Variants in CADM2 observed in about 807,000 individuals in gnomAD.
CADM2 encodes the protein cell adhesion molecule 2.
CADM2 carries 12 observed loss-of-function variants against 49.8 expected under a neutral mutation model. That is an observed-to-expected ratio of 0.24 (90% CI 0.15 to 0.39). The LOEUF is 0.39. CADM2 is among the 10% of genes least tolerant of loss of function. The pLI is 1.00. For missense variants in CADM2, 378 were observed against 492.3 expected (o/e 0.77, Z 2.20); for synonymous variants, 214 against 175.4 (o/e 1.22, Z -1.74).
intron 5 of CADM2, among the ~76,000 whole-genome samples, chr3:85,908,894 T>C (rs2108471026): frequency 6.6e-6 from 1 of 152,086 alleles, no homozygotes; most frequent in Admixed American, 6.6e-5. Context: ...CCAGCTAATT[T>C]TTTGTATTTT....
chr3:85,856,345 G>A (rs1199799172), intron 3 of CADM2, among the ~76,000 whole-genome samples: 1 of 152,146 alleles, frequency 6.6e-6, no homozygotes, highest in Non-Finnish European at 1.5e-5. Flanking sequence ...AAGGAAAATA[G>A]CACATATTTT....
intron 1 of CADM2, among the ~76,000 whole-genome samples, chr3:85,470,418 T>C (rs996701893): frequency 6.6e-6 from 1 of 152,066 alleles, no homozygotes; most frequent in Admixed American, 6.6e-5. Context: ...TAGTAGATCT[T>C]TGTGTTTTAG....
chr3:85,784,160 A>G (rs1010206340), intron 2 of CADM2, among the ~76,000 whole-genome samples: 1 of 152,228 alleles, frequency 6.6e-6, no homozygotes, highest in African/African-American at 2.4e-5. Flanking sequence ...CCCAATAACC[A>G]GAACACTTGG....
intron 1 of CADM2, among the ~76,000 whole-genome samples, chr3:85,339,917 C>T (rs1390486460): frequency 6.6e-6 from 1 of 151,184 alleles, no homozygotes; most frequent in African/African-American, 2.4e-5. Flanking sequence ...TATTTTAAAT[C>T]ATTTTAATAT....
intron 8 of CADM2, among the ~76,000 whole-genome samples, chr3:86,025,053 T>TTTTTTTG (rs1733715606): frequency 6.6e-6 from 1 of 151,024 alleles, no homozygotes. Context: ...TAGTTGTTTT[T>TTTTTTTG]TTTTGTTTTG....
At chr3:86,056,822 C>A (rs895795794) in intron 8 of CADM2, among the ~76,000 whole-genome samples, 2 of 152,096 alleles carry the variant, frequency 1.3e-5, no homozygotes, top group African/African-American at 4.8e-5. Context: ...AACTTATGTA[C>A]TCTTACAGAT....
intron 8 of CADM2, chr3:85,992,355 T>C (rs1437110846): frequency 6.6e-6 from 1 of 152,148 alleles, no homozygotes; most frequent in Non-Finnish European, 1.5e-5. Context: ...TTAATGACCT[T>C]CCTCTGAATA....
intron 8 of CADM2, among the ~76,000 whole-genome samples, chr3:85,991,881 G>A (rs2108705938): frequency 6.6e-6 from 1 of 151,896 alleles, no homozygotes; most frequent in East Asian, 1.9e-4. Flanking sequence ...TTGATATATT[G>A]ACCTATGAAG....
At chr3:85,538,548 A>G (rs948117976) in intron 1 of CADM2, among the ~76,000 whole-genome samples, 1 of 152,130 alleles carries the variant, frequency 6.6e-6, no homozygotes, top group African/African-American at 2.4e-5. Context: ...AAAAATGTAT[A>G]TATTACTGAG....
chr3:85,027,416 T>C (rs1272301138), intron 1 of CADM2, among the ~76,000 whole-genome samples: 1 of 151,980 alleles, frequency 6.6e-6, no homozygotes, highest in Non-Finnish European at 1.5e-5. Flanking sequence ...CAGCCTATTA[T>C]CTCTTTTTAA....
At chr3:85,645,346 A>T (rs2064851985) in intron 1 of CADM2, among the ~76,000 whole-genome samples, 2 of 152,166 alleles carry the variant, frequency 1.3e-5, no homozygotes, top group Admixed American at 1.3e-4. Context: ...TATTTTAAAT[A>T]AAGTAATAAA....
At chr3:85,754,497 A>G (rs2069010058) in intron 2 of CADM2, among the ~76,000 whole-genome samples, 1 of 152,188 alleles carries the variant, frequency 6.6e-6, no homozygotes, top group Admixed American at 6.5e-5. Context: ...GTATTTGAGT[A>G]GCTTTTTACT....
intron 1 of CADM2, among the ~76,000 whole-genome samples, chr3:85,293,037 C>T (rs145800321): frequency 2.2e-3 from 328 of 151,876 alleles, no homozygotes; most frequent in African/African-American, 7.2e-3. Context: ...ATTGATAGAC[C>T]GCTAGCAAGA....
chr3:85,366,579 G>A (rs1380157873), intron 1 of CADM2, among the ~76,000 whole-genome samples: 2 of 152,098 alleles, frequency 1.3e-5, no homozygotes, highest in African/African-American at 4.8e-5. Flanking sequence ...AACCACAGGG[G>A]AGAAGTCACA....
At chr3:85,960,463 T>C (rs1559767953) in intron 7 of CADM2, among the ~76,000 whole-genome samples, 1 of 151,914 alleles carries the variant, frequency 6.6e-6, no homozygotes, top group Non-Finnish European at 1.5e-5. Context: ...AAGCAGGAGG[T>C]ACTAGATGAA....
At position 86,031,065 on chromosome 3, in the gene CADM2, G is replaced by A. The variant is rs568107607; in HGVS notation, c.971-34540G>A. On this transcript the variant is annotated intron_variant, in intron 8 of 9. Coordinates refer to ENST00000383699, the MANE Select transcript of CADM2 (RefSeq NM_001167675.2). ...TAGGGTGGGCTTCTCTTGCATTATT[G>A]GTATCTGTATCATTCTAAAGATGAA... Among the ~76,000 whole-genome samples, 9 of 151,718 alleles carry A rather than the reference G, an allele frequency of 5.9e-5. No homozygotes were observed. In the East Asian group the frequency reaches 1.7e-3, roughly 29 times the overall value.
intron 1 of CADM2, among the ~76,000 whole-genome samples, chr3:85,631,833 CT>C (rs1335046440): frequency 3.3e-5 from 5 of 152,070 alleles, no homozygotes; most frequent in African/African-American, 4.8e-5. Context: ...TTGCCAAATG[CT>C]GTTTAAATTT....
intron 8 of CADM2, among the ~76,000 whole-genome samples, chr3:86,038,571 C>T (rs533584604): frequency 1.3e-5 from 2 of 152,310 alleles, no homozygotes; most frequent in East Asian, 3.9e-4. Context: ...CCCTCACAGG[C>T]ATGTGCATGG....
intron 1 of CADM2, among the ~76,000 whole-genome samples, chr3:85,033,250 C>A (rs2035063688): frequency 6.6e-6 from 1 of 152,138 alleles, no homozygotes; most frequent in Non-Finnish European, 1.5e-5. Context: ...TGGGTTTATT[C>A]CCTAACGACG....
Sources: gnomAD v4.1 joint callset for allele counts (sites outside exome capture counted in the v4.1 genomes callset) on GRCh38, gnomAD v4.1.1 for gene constraint, MANE v1.5 for transcripts, NCBI Gene and HGNC (gene_info 2026-07-23, HGNC 2026-07-21) for gene names.